Variants in CNTNAP5 observed in about 807,000 individuals in gnomAD.
CNTNAP5 encodes the protein contactin associated protein family member 5, also known as contactin-associated protein-like 5.
In CNTNAP5, 72 loss-of-function variants were observed where a neutral mutation model predicts 150.2. That is an observed-to-expected ratio of 0.48 (90% CI 0.40 to 0.58). The LOEUF (loss-of-function observed/expected upper bound fraction) is 0.58, where lower values mean the gene tolerates loss of function less well. Ranked by LOEUF, CNTNAP5 falls within the 20% of genes least tolerant of loss-of-function variation. The probability of loss-of-function intolerance (pLI) is 0.00; values close to 1 mark genes in which losing one functional copy is unlikely to be tolerated. For synonymous variants in CNTNAP5, 672 were observed against 619.8 expected (o/e 1.08, Z -1.25); for missense variants, 1,636 against 1,626.2 (o/e 1.01, Z -0.10).
At chr2:124,277,471 C>G (rs1687909708) in intron 3 of CNTNAP5, among the ~76,000 whole-genome samples, 1 of 152,120 alleles carries the variant, frequency 6.6e-6, no homozygotes, top group Non-Finnish European at 1.5e-5. Context: ...ATGCAGAAAG[C>G]TAAACAGTCT....
chr2:124,904,982 A>G (rs773411713), intron 22 of CNTNAP5, among the ~76,000 whole-genome samples: 3 of 148,988 alleles, frequency 2.0e-5, no homozygotes, highest in Non-Finnish European at 4.5e-5. Flanking sequence ...TTTAAACCAT[A>G]TGACTGATGA....
intron 13 of CNTNAP5, among the ~76,000 whole-genome samples, chr2:124,713,269 CT>C (rs1558746709): frequency 6.6e-5 from 7 of 105,722 alleles, no homozygotes; most frequent in African/African-American, 1.3e-4. Flanking sequence ...TTCTTTCTTT[CT>C]TTCTTTCTTT....
chr2:124,126,563 G>T (rs905778189), intron 1 of CNTNAP5, among the ~76,000 whole-genome samples: 7 of 152,130 alleles, frequency 4.6e-5, no homozygotes, highest in Non-Finnish European at 2.9e-5. Context: ...ATTTTATGAG[G>T]CCAGCAGCAT....
At chr2:124,699,056 A>G (rs1156416996) in intron 13 of CNTNAP5, among the ~76,000 whole-genome samples, 2 of 152,210 alleles carry the variant, frequency 1.3e-5, no homozygotes, top group African/African-American at 2.4e-5. Context: ...ATTTAATTTT[A>G]TGTAATTTAA....
At chr2:124,339,142 C>T (rs1689546682) in intron 3 of CNTNAP5, among the ~76,000 whole-genome samples, 1 of 152,104 alleles carries the variant, frequency 6.6e-6, no homozygotes, top group African/African-American at 2.4e-5. Flanking sequence ...CCCACCTTTA[C>T]ATAAAGAAAG....
chr2:124,728,345 G>A (rs1680203621), intron 13 of CNTNAP5, among the ~76,000 whole-genome samples: 1 of 152,024 alleles, frequency 6.6e-6, no homozygotes, highest in Non-Finnish European at 1.5e-5. Flanking sequence ...GGAAGTAAGA[G>A]TTTGAGAAGG....
chr2:124,037,144 G>T (rs2104627416), intron 1 of CNTNAP5, among the ~76,000 whole-genome samples: 1 of 152,234 alleles, frequency 6.6e-6, no homozygotes, highest in African/African-American at 2.4e-5. Flanking sequence ...TAGGTTAGCT[G>T]TTTATAAAAG....
intron 11 of CNTNAP5, among the ~76,000 whole-genome samples, chr2:124,582,086 A>T (rs1035603594): frequency 6.6e-6 from 1 of 152,232 alleles, no homozygotes; most frequent in Non-Finnish European, 1.5e-5. Flanking sequence ...TGATCTGGAA[A>T]GACTACAAAT....
chr2:124,473,136 A>T (rs2104832018), intron 6 of CNTNAP5, among the ~76,000 whole-genome samples: 1 of 152,174 alleles, frequency 6.6e-6, no homozygotes, highest in East Asian at 1.9e-4. Flanking sequence ...GAATTTTTGA[A>T]ATCATGAAAT....
intron 1 of CNTNAP5, among the ~76,000 whole-genome samples, chr2:124,133,044 G>A (rs1051025137): frequency 6.6e-6 from 1 of 152,128 alleles, no homozygotes; most frequent in Non-Finnish European, 1.5e-5. Flanking sequence ...TTCCATTGTA[G>A]AAGCCTGCCT....
At chr2:124,811,958 ATATATT>A (rs1185412082) in intron 19 of CNTNAP5, among the ~76,000 whole-genome samples, 5 of 108,692 alleles carry the variant, frequency 4.6e-5, no homozygotes, top group South Asian at 2.5e-4. Context: ...ATATATATAT[ATATATT>A]TTTTATAATA....
intron 13 of CNTNAP5, among the ~76,000 whole-genome samples, chr2:124,737,750 T>C (rs1307721583): frequency 6.6e-6 from 1 of 152,170 alleles, no homozygotes; most frequent in Non-Finnish European, 1.5e-5. Flanking sequence ...TCTATTGTAA[T>C]TACCCACGGA....
At chr2:124,433,582 C>A (rs2104793820) in intron 4 of CNTNAP5, among the ~76,000 whole-genome samples, 1 of 152,010 alleles carries the variant, frequency 6.6e-6, no homozygotes, top group South Asian at 2.1e-4. Flanking sequence ...ACATAATCAC[C>A]ACAATCCCAC....
intron 19 of CNTNAP5, among the ~76,000 whole-genome samples, chr2:124,829,370 C>T (rs950870840): frequency 1.3e-5 from 2 of 152,212 alleles, no homozygotes; most frequent in East Asian, 1.9e-4. Flanking sequence ...TTAGGAAGGT[C>T]GGTGATCTTC....
chr2:124,551,857 T>C (rs1299827368), intron 10 of CNTNAP5, among the ~76,000 whole-genome samples: 1 of 152,192 alleles, frequency 6.6e-6, no homozygotes, highest in African/African-American at 2.4e-5. Context: ...CGTAGGTTTT[T>C]ATTTAAGTAC....
chr2:124,872,568 C>A (rs964946894), intron 21 of CNTNAP5, among the ~76,000 whole-genome samples: 5 of 151,302 alleles, frequency 3.3e-5, no homozygotes, highest in Non-Finnish European at 5.9e-5. Flanking sequence ...ATTTTAATTT[C>A]TCACTTTTTT....
At chr2:124,512,911 A>C (rs1413054842) in intron 8 of CNTNAP5, among the ~76,000 whole-genome samples, 1 of 152,208 alleles carries the variant, frequency 6.6e-6, no homozygotes, top group Non-Finnish European at 1.5e-5. Context: ...ACATTAAATA[A>C]AATATGTCAT....
rs1006959731 is a variant in CNTNAP5, at chr2:124,207,087, T to C, written c.83-14618T>C. Among the ~76,000 whole-genome samples the C allele has an allele frequency of 5.3e-5, 8 of 152,216 alleles. 1 individual carries two copies. Among genetic ancestry groups the C allele is most frequent in the Admixed American group, 5.2e-4 (8 of 15,282 alleles). ...AATTTATTCCCAAGTTAAAATTCCATTTAAAGAAACGAGAATCCCTTCCTA... is the reference window on the plus strand; with the variant it reads ...AATTTATTCCCAAGTTAAAATTCCACTTAAAGAAACGAGAATCCCTTCCTA... On this transcript the variant is annotated intron_variant, in intron 1 of 23. Transcript: ENST00000682447.
chr2:124,887,753 T>C (rs1678110963), intron 21 of CNTNAP5, among the ~76,000 whole-genome samples: 1 of 152,042 alleles, frequency 6.6e-6, no homozygotes, highest in Admixed American at 6.6e-5. Flanking sequence ...TACCACATTT[T>C]CATTCCTGGC....
Sources: allele counts gnomAD v4.1 joint callset (sites outside exome capture counted in the v4.1 genomes callset), GRCh38; gene constraint gnomAD v4.1.1; transcripts MANE v1.5; gene names NCBI Gene and HGNC (gene_info 2026-07-23, HGNC 2026-07-21).